DLGAP1: variants seen among roughly 807,000 people sequenced by gnomAD.
The protein encoded by DLGAP1 is disks large-associated protein 1.
A neutral mutation model predicts 90.8 loss-of-function variants in DLGAP1; 11 were observed. The observed-to-expected ratio is 0.12, with a 90% CI of 0.08 to 0.20. The LOEUF is 0.20. DLGAP1 is among the 10% of genes least tolerant of loss of function. The pLI, the probability that DLGAP1 is intolerant of heterozygous loss-of-function variation, is 1.00. For synonymous variants in DLGAP1, 558 were observed against 540.7 expected, an observed-to-expected ratio of 1.03 and a Z score of -0.44; for missense variants, 1,050 against 1,333.8, an observed-to-expected ratio of 0.79 and a Z score of 3.31.
intron 1 of DLGAP1, among the ~76,000 whole-genome samples, chr18:4,410,078 T>C (rs1320162831): frequency 6.6e-6 from 1 of 152,232 alleles, no homozygotes; most frequent in Admixed American, 6.5e-5. Flanking sequence ...ACATGGTATG[T>C]TCTCACTGAT....
rs568884696 is a variant in DLGAP1, at chr18:3,561,994, C to T, written c.2057+5496G>A. Among the ~76,000 whole-genome samples, 151 of 150,282 alleles carry T rather than the reference C, an allele frequency of 1.0e-3. 1 individual carries two copies. The highest frequency in any genetic ancestry group is 1.7e-3 in the Non-Finnish European group (118 of 67,962). On this transcript the variant is annotated intron_variant, in intron 9 of 12. Coordinates refer to ENST00000315677, the MANE Select transcript of DLGAP1 (RefSeq NM_004746.4). ...CTGTAATCCCAGCACTTTGGGAGGCCGAGGCGGGAAGATCATAAGGTCAGG... is the reference window on the plus strand; with the variant it reads ...CTGTAATCCCAGCACTTTGGGAGGCTGAGGCGGGAAGATCATAAGGTCAGG...
chr18:4,019,802 C>T lies in DLGAP1; in HGVS notation c.-158-14601G>A, dbSNP rs993328221. 1.0e-4 allele frequency among the ~76,000 whole-genome samples: 15 copies of T among 144,534 alleles called. No homozygotes were observed. The South Asian group carries it at 1.7e-3, about 16-fold the overall frequency. The allele number at this position is 144,534 out of a possible 152,430, so 94.8% of individuals were successfully genotyped here. A position where few individuals can be genotyped will look rare whatever the true frequency, so the allele number is the denominator to read the frequency against. On this transcript the variant is annotated intron_variant, in intron 2 of 12. Transcript: ENST00000315677. ...ATCTAGGAAACGAGACACATAGGCG[C>T]GCGCGTGTGCGCGCACACACACACA...
intron 1 of DLGAP1, among the ~76,000 whole-genome samples, chr18:4,372,284 TTAC>T (rs1244023734): frequency 1.3e-5 from 2 of 152,228 alleles, no homozygotes; most frequent in Non-Finnish European, 2.9e-5. Context: ...CATTTCTTCA[TTAC>T]TACTTCATTC....
At chr18:3,601,439 G>GGTGTGTGTGTGTGTGT (rs112583120) in intron 7 of DLGAP1, among the ~76,000 whole-genome samples, 2 of 148,022 alleles carry the variant, frequency 1.4e-5, no homozygotes, top group African/African-American at 5.0e-5. Context: ...CATATGCAAG[G>GGTGTGTGTGTGTGTGT]GTGTGTGTGT....
At chr18:3,512,227 C>T (rs534765740) in intron 10 of DLGAP1, among the ~76,000 whole-genome samples, 3 of 152,294 alleles carry the variant, frequency 2.0e-5, no homozygotes, top group African/African-American at 7.2e-5. Context: ...TTGTGTAATA[C>T]TTAATCAGAT....
chr18:3,611,074 G>A (rs1178874097), intron 7 of DLGAP1, among the ~76,000 whole-genome samples: 4 of 151,664 alleles, frequency 2.6e-5, no homozygotes, highest in Non-Finnish European at 5.9e-5. Context: ...CGAGGCTGCT[G>A]TGAGCTATGA....
At chr18:4,039,340 C>T (rs1568364832) in intron 2 of DLGAP1, among the ~76,000 whole-genome samples, 1 of 152,158 alleles carries the variant, frequency 6.6e-6, no homozygotes, top group Admixed American at 6.5e-5. Flanking sequence ...GAATGACTCT[C>T]TAGGGCTCAG....
intron 7 of DLGAP1, among the ~76,000 whole-genome samples, chr18:3,619,049 G>A (rs529031378): frequency 1.3e-5 from 2 of 152,296 alleles, no homozygotes; most frequent in South Asian, 2.1e-4. Flanking sequence ...CATAGACCAA[G>A]TGAGGACAGA....
chr18:3,950,475 C>T (rs1333096230), intron 3 of DLGAP1, among the ~76,000 whole-genome samples: 1 of 152,236 alleles, frequency 6.6e-6, no homozygotes, highest in Non-Finnish European at 1.5e-5. Context: ...ATTGGATTAG[C>T]ATCTTTCTTT....
intron 1 of DLGAP1, among the ~76,000 whole-genome samples, chr18:4,287,641 A>G (rs2079733206): frequency 6.6e-6 from 1 of 152,130 alleles, no homozygotes; most frequent in African/African-American, 2.4e-5. Flanking sequence ...GGAGTTGAAC[A>G]ATGAGAACAG....
chr18:3,827,384 A>C (rs1411410335), intron 4 of DLGAP1, among the ~76,000 whole-genome samples: 1 of 152,188 alleles, frequency 6.6e-6, no homozygotes, highest in African/African-American at 2.4e-5. Context: ...CTGGAAGCTG[A>C]GTGAAAAAAG....
chr18:3,541,258 AG>A (rs1436234870), intron 9 of DLGAP1, among the ~76,000 whole-genome samples: 4 of 152,142 alleles, frequency 2.6e-5, no homozygotes, highest in Non-Finnish European at 5.9e-5. Flanking sequence ...AGAAGGAGGG[AG>A]GGATGGCAGA....
At chr18:3,606,175 C>T (rs891466076) in intron 7 of DLGAP1, among the ~76,000 whole-genome samples, 2 of 152,156 alleles carry the variant, frequency 1.3e-5, no homozygotes, top group South Asian at 4.1e-4. Flanking sequence ...CCTAGAGGTG[C>T]CAACCAGAAC....
chr18:3,994,078 G>A (rs2087205267), intron 3 of DLGAP1, among the ~76,000 whole-genome samples: 1 of 152,070 alleles, frequency 6.6e-6, no homozygotes, highest in African/African-American at 2.4e-5. Flanking sequence ...TTAAGAGTGA[G>A]AATGTTCAGT....
intron 5 of DLGAP1, among the ~76,000 whole-genome samples, chr18:3,773,287 T>C (rs2064779433): frequency 6.6e-6 from 1 of 152,132 alleles, no homozygotes; most frequent in South Asian, 2.1e-4. Flanking sequence ...TATAAGAACA[T>C]TTGGTAATAA....
intron 12 of DLGAP1, among the ~76,000 whole-genome samples, chr18:3,501,653 G>T (rs1263557019): frequency 1.3e-5 from 2 of 152,120 alleles, no homozygotes; most frequent in Non-Finnish European, 2.9e-5. Context: ...AAAGAACAGG[G>T]CCACCAGCAT....
chr18:4,373,352 G>A (rs1194700684), intron 1 of DLGAP1, among the ~76,000 whole-genome samples: 1 of 152,170 alleles, frequency 6.6e-6, no homozygotes, highest in Non-Finnish European at 1.5e-5. Context: ...ATAGAAAGTG[G>A]AAGCTATAAA....
At chr18:4,189,951 T>G (rs2077366159) in intron 1 of DLGAP1, among the ~76,000 whole-genome samples, 1 of 152,072 alleles carries the variant, frequency 6.6e-6, no homozygotes, top group Non-Finnish European at 1.5e-5. Context: ...GATGGGAATA[T>G]AAAATGGTAC....
intron 5 of DLGAP1, among the ~76,000 whole-genome samples, chr18:3,763,838 A>T (rs2064089382): frequency 1.3e-5 from 2 of 151,582 alleles, no homozygotes; most frequent in African/African-American, 4.9e-5. Flanking sequence ...ATTTTTTTAT[A>T]TTTAGTACAG....
Sources: allele counts gnomAD v4.1 joint callset (sites outside exome capture counted in the v4.1 genomes callset), GRCh38; gene constraint gnomAD v4.1.1; transcripts MANE v1.5; gene names NCBI Gene and HGNC (gene_info 2026-07-23, HGNC 2026-07-21).